The following ASPHD1 variants were observed in gnomAD, a reference collection of about 807,000 sequenced individuals.
ASPHD1 encodes aspartate beta-hydroxylase domain-containing protein 1.
ASPHD1 carries 20 observed loss-of-function variants against 28.3 expected under a neutral mutation model. The observed-to-expected ratio is 0.71, with a 90% CI of 0.50 to 1.03. The LOEUF (loss-of-function observed/expected upper bound fraction) is 1.03. Ranked by LOEUF, ASPHD1 falls within the 50% of genes least tolerant of loss-of-function variation. ASPHD1 has a pLI of 0.00. For missense variants in ASPHD1, 479 were observed against 524.1 expected (o/e 0.91, Z 0.84); for synonymous variants, 240 against 221.2 (o/e 1.08, Z -0.75).
At position 29,901,161 on chromosome 16, in the gene ASPHD1, G is replaced by A. The variant is rs1281330641; in HGVS notation, c.190G>A (p.Ala64Thr). ...PEDAPGLLAR[A>T]SLIMLPWPLP... ...GGACGCCCCAGGCCTCTTGGCCAGGGCCTCCCTGATCATGCTCCCGTGGCC... is the reference window on the plus strand; with the variant it reads ...GGACGCCCCAGGCCTCTTGGCCAGGACCTCCCTGATCATGCTCCCGTGGCC... Residue 64 changes from alanine to threonine, a missense_variant, in exon 1 of 3, where the codon GCC becomes ACC. Coordinates refer to ENST00000308748, the MANE Select transcript of ASPHD1 (RefSeq NM_181718.4). The surrounding 1 kb of genome is among the most constrained non-coding windows in gnomAD (Gnocchi z 5.1). The A allele has an allele frequency of 3.1e-6, 5 of 1,612,022 alleles. No homozygotes were observed. Among genetic ancestry groups the A allele is most frequent in the Non-Finnish European group, 4.2e-6 (5 of 1,179,052 alleles).
At chr16:29,902,571 G>T (rs1293566062) in intron 1 of ASPHD1, among the ~76,000 whole-genome samples, 1 of 151,478 alleles carries the variant, frequency 6.6e-6, no homozygotes, top group African/African-American at 2.4e-5. Flanking sequence ...GCAGTGGCAC[G>T]ATCTTGGCTC....
intron 3 of ASPHD1, chr16:29,915,168 C>T (rs966194066): frequency 2.0e-5 from 3 of 152,260 alleles, no homozygotes; most frequent in African/African-American, 7.2e-5. Flanking sequence ...GTTTGCAGCT[C>T]CACAGTTTCA....
chr16:29,919,029 A>G (rs1391059661), intron 3 of ASPHD1, among the ~76,000 whole-genome samples: 1 of 152,024 alleles, frequency 6.6e-6, no homozygotes, highest in Non-Finnish European at 1.5e-5. Context: ...CCTGACCTCA[A>G]GTGATCCACC....
intron 3 of ASPHD1, chr16:29,912,026 C>T (rs1032009622): frequency 1.4e-5 from 23 of 1,609,198 alleles, no homozygotes; most frequent in Middle Eastern, 3.3e-4. Context: ...TGAGGCACAG[C>T]GGGGACAGCG....
chr16:29,901,351 G>A lies in ASPHD1; in HGVS notation c.380G>A (p.Gly127Glu), dbSNP rs771841399. ...CCTGTGGGATGCTCGGAGGCCGGCG[G>A]GCCAAGCCCAGGGGGTCCTGGGGAT... is the stretch of plus-strand genomic sequence containing the variant. ...GGPVGCSEAGGPSPGGPGDPG... is the reference protein window; with the variant it reads ...GGPVGCSEAGEPSPGGPGDPG... The change falls in exon 1 of 3, where the codon GGG becomes GAG. Residue 127 changes from glycine (G) to glutamate (E), a missense_variant. Gly to Glu is a moderately conservative substitution (Grantham distance 98). Transcript: ENST00000308748. This position sits in a 1 kb window ranked among gnomAD's most constrained non-coding sequence, Gnocchi z 5.1. The A allele has an allele frequency of 1.9e-6, 3 of 1,600,708 alleles. No homozygotes were observed. Among genetic ancestry groups the A allele is most frequent in the South Asian group, 1.1e-5 (1 of 89,948 alleles).
At chr16:29,911,797 C>A (rs201031864) in intron 3 of ASPHD1, 1 of 1,612,064 alleles carries the variant, frequency 6.2e-7, no homozygotes, top group South Asian at 1.1e-5. Context: ...GCCCAGTGCC[C>A]CGCACCCCGG....
chr16:29,901,709 C>T lies in ASPHD1; in HGVS notation c.738C>T (p.Ala246=), dbSNP rs2068551558. The change falls in exon 1 of 3, where the codon GCC becomes GCT. Residue 246 remains alanine, a synonymous_variant. Coordinates refer to ENST00000308748, the MANE Select transcript of ASPHD1 (RefSeq NM_181718.4). The surrounding 1 kb of genome is among the most constrained non-coding windows in gnomAD (Gnocchi z 5.1). ...PPPRGWSPPL[A]PGCYQLLLYQ... ...CTCGGGGCTGGTCCCCACCTCTGGC[C>T]CCCGGGTGCTACCAGCTCCTGCTGT... The T allele has an allele frequency of 2.5e-6, 4 of 1,574,220 alleles. No individual in the cohort carries two copies. Among genetic ancestry groups the T allele is most frequent in the Non-Finnish European group, 3.4e-6 (4 of 1,163,734 alleles).
At position 29,901,015 on chromosome 16, in the gene ASPHD1, G is replaced by C. The variant is rs1464876633; in HGVS notation, c.44G>C (p.Arg15Pro). 2 of 1,570,498 alleles carry C rather than the reference G, an allele frequency of 1.3e-6. No homozygotes were observed. The highest frequency in any genetic ancestry group is 1.9e-5 in the Admixed American group (1 of 52,664). The change falls in exon 1 of 3, where the codon CGG (arginine) becomes CCG (proline). Residue 15 changes from arginine to proline, a missense_variant. By Grantham distance (103) the Arg-to-Pro change is moderately radical. Transcript: ENST00000308748. The surrounding 1 kb of genome is among the most constrained non-coding windows in gnomAD (Gnocchi z 5.1). ...RGSFSVERGP[R>P]KERETAQSGM... ...AGCTTCAGCGTGGAGAGAGGACCGCGGAAGGAGAGAGAGACAGCCCAGAGT... is the reference window on the plus strand; with the variant it reads ...AGCTTCAGCGTGGAGAGAGGACCGCCGAAGGAGAGAGAGACAGCCCAGAGT...
chr16:29,903,697 T>A (rs2068574792), intron 1 of ASPHD1, among the ~76,000 whole-genome samples: 1 of 152,190 alleles, frequency 6.6e-6, no homozygotes, highest in East Asian at 1.9e-4. Flanking sequence ...TCCTGACAGA[T>A]GCCACATGTG....
chr16:29,909,557 G>A (rs933294583), downstream of ASPHD1, among the ~76,000 whole-genome samples: 3 of 152,134 alleles, frequency 2.0e-5, no homozygotes, highest in Non-Finnish European at 4.4e-5. Context: ...CACAGAGCAG[G>A]GGCTTGGGGA....
Position 29,901,451 on chromosome 16 carries a change from T to C in ASPHD1, c.480T>C (p.Ala160=), listed in dbSNP as rs2068546152. ...CCTACGCAAGGCGCTACTCCTGGGC[T>C]GGGATGGGTAGAGTGAGGCGGGCAG... ...LRAYARRYSW[A]GMGRVRRAAQ... is the part of the protein sequence containing the mutation. The change falls in exon 1 of 3, where the codon GCT becomes GCC. Residue 160 remains alanine (A), a synonymous_variant. Coordinates refer to ENST00000308748, the MANE Select transcript of ASPHD1 (RefSeq NM_181718.4). The surrounding 1 kb of genome is among the most constrained non-coding windows in gnomAD (Gnocchi z 5.1). 19 of 1,604,646 alleles carry C rather than the reference T, an allele frequency of 1.2e-5. No homozygotes were observed. The East Asian group carries it at 4.2e-4, about 36-fold the overall frequency.
intron 3 of ASPHD1, among the ~76,000 whole-genome samples, chr16:29,917,712 G>A (rs2068834924): frequency 1.3e-5 from 2 of 152,288 alleles, no homozygotes; most frequent in African/African-American, 4.8e-5. Flanking sequence ...CCGGGAGGCA[G>A]AGGTTGCAGT....
intron 3 of ASPHD1, chr16:29,911,803 C>T: frequency 6.2e-7 from 1 of 1,612,278 alleles, no homozygotes; most frequent in Non-Finnish European, 8.5e-7. Flanking sequence ...TGCCCCGCAC[C>T]CCGGCGGTCA....
chr16:29,919,340 G>C (rs1223170886), intron 3 of ASPHD1, among the ~76,000 whole-genome samples: 1 of 151,960 alleles, frequency 6.6e-6, no homozygotes, highest in African/African-American at 2.4e-5. Flanking sequence ...GGTATTATTT[G>C]GCTTATGTAA....
intron 3 of ASPHD1, chr16:29,912,182 T>C: frequency 1.5e-6 from 1 of 675,088 alleles, no homozygotes. Flanking sequence ...GGCTCCAAGC[T>C]CCGCCAGCCT....
Position 29,904,951 on chromosome 16 carries a change from C to T in ASPHD1, c.1049C>T (p.Thr350Ile). The part of the protein sequence containing the change: ...CLLVDDSFLH[T>I]VAHNGSPEDG... ...CTGGTGGACGACTCTTTTCTACACA[C>T]AGTGGCTCACAATGGTAACGGGGTG... The change falls in exon 2 of 3, where the codon ACA becomes ATA. Residue 350 changes from threonine to isoleucine, a missense_variant. Physicochemically the swap from Thr to Ile is moderately conservative, Grantham distance 89. Transcript: ENST00000308748. The T allele has an allele frequency of 6.2e-7, 1 of 1,612,740 alleles. No homozygotes were observed. The highest frequency in any genetic ancestry group is 8.5e-7 in the Non-Finnish European group (1 of 1,179,376).
downstream of ASPHD1, chr16:29,919,749 ACACACACACATACTCT>A (rs1405220199): frequency 6.6e-6 from 1 of 152,188 alleles, no homozygotes; most frequent in Non-Finnish European, 1.5e-5. Flanking sequence ...GCAAACACAC[ACACACACACATACTCT>A]CACACAGGAA....
chr16:29,912,202 T>C (rs760172581), intron 3 of ASPHD1: 1 of 655,782 alleles, frequency 1.5e-6, no homozygotes, highest in Non-Finnish European at 2.7e-6. Flanking sequence ...TCTCTGCCAC[T>C]CTCCCTTTGC....
downstream of ASPHD1, among the ~76,000 whole-genome samples, chr16:29,909,652 G>A (rs1338504649): frequency 6.6e-6 from 1 of 151,484 alleles, no homozygotes; most frequent in East Asian, 1.9e-4. Context: ...GAGGTTTTAA[G>A]AATCTATTTT....
Sources: gnomAD v4.1 joint callset for allele counts (sites outside exome capture counted in the v4.1 genomes callset) on GRCh38, gnomAD v4.1.1 for gene constraint, Gnocchi (gnomAD v3.1) non-coding constraint, MANE v1.5 for transcripts, NCBI Gene and HGNC (gene_info 2026-07-23, HGNC 2026-07-21) for gene names.